TLN2: variants seen among roughly 807,000 people sequenced by gnomAD.
TLN2 encodes the protein talin 2, also known as talin-2.
A neutral mutation model predicts 294.7 loss-of-function variants in TLN2; 118 were observed. The ratio of observed to expected loss-of-function variants is 0.40; its 90% CI spans 0.34 to 0.47. TLN2 has a LOEUF of 0.47. Ranked by LOEUF, TLN2 falls within the 20% of genes least tolerant of loss-of-function variation. TLN2 has a pLI of 0.84. For synonymous variants in TLN2, 1,431 were observed against 1,304.5 expected (o/e 1.10, Z -2.09); for missense variants, 3,083 against 3,282.2 (o/e 0.94, Z 1.48).
intron 22 of TLN2, among the ~76,000 whole-genome samples, chr15:62,715,141 G>T (rs970063041): frequency 3.3e-5 from 5 of 152,184 alleles, no homozygotes; most frequent in African/African-American, 1.2e-4. Context: ...TATTCAAGAG[G>T]GTTGCCAAAA....
At chr15:62,737,599 C>G (rs1338362482) in intron 29 of TLN2, among the ~76,000 whole-genome samples, 1 of 152,186 alleles carries the variant, frequency 6.6e-6, no homozygotes, top group South Asian at 2.1e-4. Context: ...TGACACTCCC[C>G]ACCTCCAAAG....
At chr15:62,818,150 T>C (rs74020674) in intron 52 of TLN2, among the ~76,000 whole-genome samples, 123 of 152,224 alleles carry the variant, frequency 8.1e-4, no homozygotes, top group African/African-American at 2.8e-3. Flanking sequence ...ATAGGCATTA[T>C]CCCAGCTTTA....
chr15:62,577,411 T>C (rs571093689), intron 1 of TLN2, among the ~76,000 whole-genome samples: 5 of 152,294 alleles, frequency 3.3e-5, no homozygotes, highest in African/African-American at 9.6e-5. Flanking sequence ...GTCATTGCAC[T>C]CCAGCCTGGG....
chr15:62,464,967 A>T (rs1220202008), intron 1 of TLN2, among the ~76,000 whole-genome samples: 2 of 152,158 alleles, frequency 1.3e-5, no homozygotes, highest in Non-Finnish European at 2.9e-5. Flanking sequence ...TCTGTTGCCC[A>T]TGGGCACTAT....
rs79158210 is a variant in TLN2, at chr15:62,611,403, T to G, written c.-161-6948T>G. Among the ~76,000 whole-genome samples the G allele has an allele frequency of 2.8e-3, 424 of 152,276 alleles. 1 individual carries two copies. The highest frequency in any genetic ancestry group is 9.8e-3 in the African/African-American group (408 of 41,540). ...ATGTCCCTGGCTGGGAGATCCACTC[T>G]TGTTGAAGTAGCCTGTTTCCCTTGA... On this transcript the variant is annotated intron_variant, in intron 2 of 58. Transcript: ENST00000636159.
intron 2 of TLN2, among the ~76,000 whole-genome samples, chr15:62,610,940 C>G (rs1032393195): frequency 1.3e-5 from 2 of 152,176 alleles, no homozygotes; most frequent in Non-Finnish European, 2.9e-5. Flanking sequence ...TCCAGCTTAA[C>G]ACAATGGGCT....
At chr15:62,445,437 GAAAC>G (rs1398782492) in intron 1 of TLN2, among the ~76,000 whole-genome samples, 2 of 152,270 alleles carry the variant, frequency 1.3e-5, no homozygotes, top group East Asian at 3.9e-4. Flanking sequence ...GAACTCTTTA[GAAAC>G]AAACAGTGAC....
chr15:62,830,272 A>G (rs1393107415), intron 54 of TLN2: 2 of 152,362 alleles, frequency 1.3e-5, no homozygotes, highest in East Asian at 3.9e-4. Context: ...GACACCAACC[A>G]GGTGAGCCTC....
chr15:62,436,495 A>G (rs2140297976), intron 1 of TLN2, among the ~76,000 whole-genome samples: 1 of 152,278 alleles, frequency 6.6e-6, no homozygotes, highest in Admixed American at 6.5e-5. Context: ...AGGTGGCAGG[A>G]TGTCAGTGGA....
chr15:62,530,452 G>A (rs1282848278), intron 1 of TLN2, among the ~76,000 whole-genome samples: 2 of 152,136 alleles, frequency 1.3e-5, no homozygotes, highest in Non-Finnish European at 2.9e-5. Flanking sequence ...CCGCCTTAGG[G>A]GTTCAAGTGA....
At chr15:62,560,569 C>T (rs753072048) in intron 1 of TLN2, among the ~76,000 whole-genome samples, 2 of 152,210 alleles carry the variant, frequency 1.3e-5, no homozygotes, top group African/African-American at 2.4e-5. Flanking sequence ...TCAAGTGATC[C>T]GCGCGCCTGG....
chr15:62,493,450 C>T (rs944759282), intron 1 of TLN2, among the ~76,000 whole-genome samples: 1 of 152,036 alleles, frequency 6.6e-6, no homozygotes, highest in African/African-American at 2.4e-5. Flanking sequence ...GCCCTGTCCT[C>T]CCCTTGCTGT....
chr15:62,790,630 C>T (rs191000153), intron 45 of TLN2, among the ~76,000 whole-genome samples: 2 of 152,356 alleles, frequency 1.3e-5, no homozygotes, highest in East Asian at 3.9e-4. Context: ...GTGGTCATCA[C>T]TGACCTCAGA....
intron 12 of TLN2, among the ~76,000 whole-genome samples, chr15:62,692,148 TC>T (rs2057973727): frequency 6.6e-6 from 1 of 152,210 alleles, no homozygotes; most frequent in South Asian, 2.1e-4. Flanking sequence ...ACACTAAGGT[TC>T]CTGCTCAAAC....
At chr15:62,665,515 T>A (rs2140982865) in intron 9 of TLN2, among the ~76,000 whole-genome samples, 1 of 152,278 alleles carries the variant, frequency 6.6e-6, no homozygotes, top group African/African-American at 2.4e-5. Context: ...GTGAAGAAAT[T>A]GTCCAAGGGC....
chr15:62,483,823 G>A (rs35209100), intron 1 of TLN2, among the ~76,000 whole-genome samples: 10,670 of 152,326 alleles, frequency 0.07, 472 homozygotes, highest in Non-Finnish European at 0.093. Context: ...CCTTCTGAGA[G>A]CAGAGGCAAT....
At chr15:62,741,073 CATT>C (rs1184340053) in intron 32 of TLN2, among the ~76,000 whole-genome samples, 2 of 152,082 alleles carry the variant, frequency 1.3e-5, no homozygotes, top group Non-Finnish European at 2.9e-5. Flanking sequence ...TTTTAAGTAG[CATT>C]ATATCTTTCT....
At chr15:62,698,990 T>C (rs532074811) in intron 16 of TLN2, 123 bp downstream of exon 16, 2 of 915,448 alleles carry the variant, frequency 2.2e-6, no homozygotes, top group African/African-American at 3.3e-5. Flanking sequence ...CCCATGATTT[T>C]TTCAGGATAT....
At chr15:62,574,408 T>C (rs2044200458) in intron 1 of TLN2, among the ~76,000 whole-genome samples, 1 of 151,298 alleles carries the variant, frequency 6.6e-6, no homozygotes, top group African/African-American at 2.4e-5. Flanking sequence ...AGACCCCGCC[T>C]CTTCAAAAAT....
Sources: gnomAD v4.1 joint callset for allele counts (sites outside exome capture counted in the v4.1 genomes callset) on GRCh38, gnomAD v4.1.1 for gene constraint, MANE v1.5 for transcripts, NCBI Gene and HGNC (gene_info 2026-07-23, HGNC 2026-07-21) for gene names.